The following PTPRK variants were observed in gnomAD, a reference collection of about 807,000 sequenced individuals.
PTPRK encodes the protein protein tyrosine phosphatase receptor type K.
PTPRK carries 75 observed loss-of-function variants against 178.0 expected under a neutral mutation model. The observed-to-expected ratio is 0.42, with a 90% CI of 0.35 to 0.51. The LOEUF (loss-of-function observed/expected upper bound fraction) is 0.51, where lower values mean the gene tolerates loss of function less well. PTPRK is among the 20% of genes least tolerant of loss of function. The pLI is 0.02. For missense variants in PTPRK, 1,441 were observed against 1,797.8 expected (o/e 0.80, Z 3.59); for synonymous variants, 637 against 620.6 (o/e 1.03, Z -0.39).
chr6:128,506,682 A>AAAAAAAAG (rs1554284970), intron 1 of PTPRK, among the ~76,000 whole-genome samples: 1 of 146,208 alleles, frequency 6.8e-6, no homozygotes, highest in Non-Finnish European at 1.5e-5. Context: ...AAAAAAAAAA[A>AAAAAAAAG]TTATTATAAG....
At chr6:128,391,608 A>G (rs1839582668) in intron 2 of PTPRK, among the ~76,000 whole-genome samples, 1 of 152,116 alleles carries the variant, frequency 6.6e-6, no homozygotes, top group African/African-American at 2.4e-5. Context: ...GCTTTGTAAA[A>G]AACTATGCTT....
chr6:128,327,406 G>C (rs1829724634), intron 2 of PTPRK, among the ~76,000 whole-genome samples: 1 of 151,996 alleles, frequency 6.6e-6, no homozygotes, highest in South Asian at 2.1e-4. Flanking sequence ...CAATTTCTTT[G>C]CCTAGTATTC....
chr6:128,136,351 G>A (rs558623101), intron 7 of PTPRK, among the ~76,000 whole-genome samples: 21 of 152,298 alleles, frequency 1.4e-4, no homozygotes, highest in African/African-American at 5.1e-4. Flanking sequence ...TAGGGATTAA[G>A]GTGCTTCCCT....
At chr6:128,012,668 C>G (rs1218049376) in intron 13 of PTPRK, among the ~76,000 whole-genome samples, 3 of 151,156 alleles carry the variant, frequency 2.0e-5, no homozygotes, top group Non-Finnish European at 4.4e-5. Context: ...GTAAAAATAG[C>G]TAAAGTGACT....
intron 1 of PTPRK, among the ~76,000 whole-genome samples, chr6:128,435,639 T>C (rs1264238341): frequency 6.6e-6 from 1 of 152,156 alleles, no homozygotes; most frequent in Non-Finnish European, 1.5e-5. Flanking sequence ...AGCAGTTCGT[T>C]ATCTGTTACT....
chr6:128,352,808 C>G (rs1323971084), intron 2 of PTPRK, among the ~76,000 whole-genome samples: 1 of 152,112 alleles, frequency 6.6e-6, no homozygotes, highest in East Asian at 1.9e-4. Context: ...TCACTTTGCT[C>G]AGTAGTGTAG....
chr6:128,152,680 C>T (rs571885946), intron 7 of PTPRK, among the ~76,000 whole-genome samples: 1 of 151,860 alleles, frequency 6.6e-6, no homozygotes, highest in African/African-American at 2.4e-5. Context: ...AATGGGTTAT[C>T]CATTTGGCTA....
chr6:127,979,838 A>T (rs915365445), intron 25 of PTPRK, among the ~76,000 whole-genome samples: 3 of 152,220 alleles, frequency 2.0e-5, no homozygotes, highest in Non-Finnish European at 4.4e-5. Context: ...AAGGCAGTAA[A>T]CTGTTTAAAA....
At chr6:128,441,628 T>C (rs1008595444) in intron 1 of PTPRK, among the ~76,000 whole-genome samples, 1 of 152,150 alleles carries the variant, frequency 6.6e-6, no homozygotes, top group Non-Finnish European at 1.5e-5. Context: ...ACACATAAGC[T>C]TGGGAGTCAG....
At chr6:128,491,713 A>AT (rs760897817) in intron 1 of PTPRK, 7 of 494,350 alleles carry the variant, frequency 1.4e-5, no homozygotes, top group East Asian at 5.7e-5. Context: ...TTAATCTATC[A>AT]TTTTTTTTCT....
intron 2 of PTPRK, among the ~76,000 whole-genome samples, chr6:128,381,286 CT>C (rs1837877966): frequency 6.6e-6 from 1 of 152,032 alleles, no homozygotes; most frequent in Non-Finnish European, 1.5e-5. Flanking sequence ...AATAATAAAC[CT>C]TTTCCCAAAC....
intron 3 of PTPRK, among the ~76,000 whole-genome samples, chr6:128,286,253 G>A (rs919881743): frequency 6.6e-6 from 1 of 151,976 alleles, no homozygotes; most frequent in South Asian, 2.1e-4. Context: ...TGTGCTCTTC[G>A]AACTGTGCGT....
At chr6:128,490,055 A>G (rs2128428600) in intron 1 of PTPRK, among the ~76,000 whole-genome samples, 1 of 152,358 alleles carries the variant, frequency 6.6e-6, no homozygotes, top group South Asian at 2.1e-4. Context: ...AAAAGTACTC[A>G]ATTCATCAGA....
intron 7 of PTPRK, among the ~76,000 whole-genome samples, chr6:128,152,458 C>T (rs376700559): frequency 2.6e-5 from 4 of 151,242 alleles, no homozygotes. Context: ...GGAGTGAGTA[C>T]ACTGGTGAAA....
intron 7 of PTPRK, among the ~76,000 whole-genome samples, chr6:128,160,803 T>C (rs1199848756): frequency 6.6e-6 from 1 of 151,498 alleles, no homozygotes; most frequent in African/African-American, 2.4e-5. Flanking sequence ...AATAAAAACA[T>C]TAAGGCTAAT....
chr6:128,058,214 T>C (rs1011886334), intron 13 of PTPRK, among the ~76,000 whole-genome samples: 1 of 152,196 alleles, frequency 6.6e-6, no homozygotes, highest in African/African-American at 2.4e-5. Context: ...ATGGGTTTAC[T>C]TTCAGTCCAT....
At chr6:128,344,650 G>A (rs949316368) in intron 2 of PTPRK, among the ~76,000 whole-genome samples, 2 of 151,858 alleles carry the variant, frequency 1.3e-5, no homozygotes, top group Non-Finnish European at 2.9e-5. Context: ...CAAGTAGCTG[G>A]GACTATAGGC....
At chr6:128,037,223 T>C (rs999559044) in intron 13 of PTPRK, among the ~76,000 whole-genome samples, 5 of 152,184 alleles carry the variant, frequency 3.3e-5, no homozygotes, top group African/African-American at 1.2e-4. Context: ...AGACATTATA[T>C]ACTAAGTCAT....
rs547430890 is a variant in PTPRK at position 127,985,403 on chromosome 6, C to T, written c.3251+318G>A. Among the ~76,000 whole-genome samples, 5 of 152,194 alleles carry T rather than the reference C, an allele frequency of 3.3e-5. No individual in the cohort carries two copies. In the East Asian group the frequency reaches 9.7e-4, roughly 29 times the overall value. On this transcript the variant is annotated intron_variant, in intron 22 of 29. Transcript: ENST00000368226. ...ATTGGCAAGAAATGTCTATTTCAAC[C>T]TAGCATTCTATACAATATGGGATTT...
Sources: gnomAD v4.1 joint callset for allele counts (sites outside exome capture counted in the v4.1 genomes callset) on GRCh38, gnomAD v4.1.1 for gene constraint, MANE v1.5 for transcripts, NCBI Gene and HGNC (gene_info 2026-07-23, HGNC 2026-07-21) for gene names.